Variants in CFAP100 observed in about 807,000 individuals in gnomAD.
CFAP100 encodes cilia and flagella associated protein 100.
A neutral mutation model predicts 81.5 loss-of-function variants in CFAP100; 70 were observed. The observed-to-expected ratio is 0.86, with a 90% confidence interval of 0.71 to 1.05. The LOEUF (loss-of-function observed/expected upper bound fraction) is 1.05, where lower values mean the gene tolerates loss of function less well. CFAP100 is among the 50% of genes least tolerant of loss of function. The pLI, the probability that CFAP100 is intolerant of heterozygous loss-of-function variation, is 0.00. For synonymous variants in CFAP100, 341 were observed against 314.8 expected (o/e 1.08, Z -0.88); for missense variants, 811 against 776.5 (o/e 1.04, Z -0.53).
At chr3:126,396,080 GA>G (rs2082883371) in intron 2 of CFAP100, 31 bp downstream of exon 2, 3 of 1,584,438 alleles carry the variant, frequency 1.9e-6, no homozygotes, top group Non-Finnish European at 2.6e-6. Flanking sequence ...GGCACTCTCA[GA>G]GGTCAGGGGC....
In CFAP100 at chr3:126,396,514, G is replaced by A. The variant is rs150661296; in HGVS notation, c.49+465G>A. On this transcript the variant is annotated intron_variant, in intron 2 of 16. Coordinates refer to ENST00000352312, the MANE Select transcript of CFAP100 (RefSeq NM_182628.3). ...GGGACCCCATCACATTGGATTGGAG[G>A]CCTACCCCGCTCCAGAATGGCCTCA... 4.7e-3 allele frequency: 772 copies of A among 165,642 alleles called. 7 individuals carry two copies. The highest frequency in any genetic ancestry group is 0.018 in the African/African-American group (740 of 41,860). 10.3% of individuals were successfully genotyped at this position (165,642 alleles called of 1,614,324 possible).
intron 13 of CFAP100, among the ~76,000 whole-genome samples, chr3:126,430,232 T>G (rs1405333246): frequency 6.6e-6 from 1 of 151,846 alleles, no homozygotes; most frequent in Non-Finnish European, 1.5e-5. Flanking sequence ...CATTATTTCT[T>G]TAAGTTCTCT....
intron 5 of CFAP100, chr3:126,418,224 G>T: frequency 1.8e-6 from 1 of 552,246 alleles, no homozygotes; most frequent in East Asian, 3.1e-5. Context: ...GACACAGTAA[G>T]GACTTCCCAC....
chr3:126,435,069 C>T (rs1933390483), intron 15 of CFAP100, among the ~76,000 whole-genome samples: 1 of 152,156 alleles, frequency 6.6e-6, no homozygotes, highest in Non-Finnish European at 1.5e-5. Context: ...ATCCATCCGT[C>T]CCCCCAAGCA....
In CFAP100 at chr3:126,420,135, C is replaced by G. The variant is rs2083305317; in HGVS notation, c.988C>G (p.Leu330Val). ...GQGTKKPWRFLQTMRLGRSPS... is the reference protein window; with the variant it reads ...GQGTKKPWRFVQTMRLGRSPS... ...GGGTACAAAGAAGCCCTGGAGGTTT[C>G]TGCAGACGATGCGGCTGGGGCGGAG... The change falls in exon 11 of 17, where the codon CTG (leucine) becomes GTG (valine). Residue 330 changes from leucine to valine, a missense_variant. Coordinates refer to ENST00000352312, the MANE Select transcript of CFAP100 (RefSeq NM_182628.3). 8 of 1,613,356 alleles carry G rather than the reference C, an allele frequency of 5.0e-6. No homozygotes were observed. Among genetic ancestry groups the G allele is most frequent in the Non-Finnish European group, 5.9e-6 (7 of 1,180,020 alleles).
chr3:126,399,197 C>T (rs2082933735), intron 2 of CFAP100, among the ~76,000 whole-genome samples: 1 of 152,226 alleles, frequency 6.6e-6, no homozygotes, highest in South Asian at 2.1e-4. Flanking sequence ...TACCCTCTGG[C>T]CTTTTGACCC....
chr3:126,435,927 G>T (rs951877927), intron 16 of CFAP100, among the ~76,000 whole-genome samples: 2 of 152,130 alleles, frequency 1.3e-5, no homozygotes, highest in Admixed American at 6.5e-5. Flanking sequence ...CAGGAGCAGG[G>T]TCCCACCACC....
At chr3:126,400,804 G>A (rs2107583741) in intron 2 of CFAP100, among the ~76,000 whole-genome samples, 1 of 152,166 alleles carries the variant, frequency 6.6e-6, no homozygotes, top group Non-Finnish European at 1.5e-5. Flanking sequence ...AAGTTAAACA[G>A]TATTAACATA....
At position 126,418,514 on chromosome 3, in the gene CFAP100, T is replaced by G. The variant is rs776267506; in HGVS notation, c.475T>G (p.Phe159Val). ...SGYIKQKRQM[F>V]LLQYALDVKR... ...CTACATTAAGCAGAAGCGGCAAATG[T>G]TCCTCCTCCAGGTAGGTCCCGTGGC... is the stretch of plus-strand genomic sequence containing the variant. Residue 159 changes from phenylalanine to valine, a missense_variant, in exon 6 of 17, where the codon TTC (phenylalanine) becomes GTC (valine). Transcript: ENST00000352312. 7.4e-6 allele frequency: 12 copies of G among 1,613,942 alleles called. No homozygotes were observed. Among genetic ancestry groups the G allele is most frequent in the Admixed American group, 1.7e-5 (1 of 60,002 alleles).
chr3:126,408,479 CTTG>C (rs1169542751), intron 3 of CFAP100, among the ~76,000 whole-genome samples: 3 of 152,302 alleles, frequency 2.0e-5, no homozygotes, highest in African/African-American at 7.2e-5. Flanking sequence ...TGGCCTTTGA[CTTG>C]TTGAGCAGTG....
rs1334224258 is a variant in CFAP100, at chr3:126,395,975, C to A, written c.-26C>A. 1 of 1,602,442 alleles carries A rather than the reference C, an allele frequency of 6.2e-7. No homozygotes were observed. The highest frequency in any genetic ancestry group is 1.1e-5 in the South Asian group (1 of 90,842). On this transcript the variant is annotated 5_prime_UTR_variant, in exon 2 of 17. Transcript: ENST00000352312. ...CTCCTTTAGAAGAGGAGAAGCCTTG[C>A]ATCAACCTCTTGGGCCTCAGCCAAG...
At position 126,433,089 on chromosome 3, in the gene CFAP100, T is replaced by C. The variant is rs1458869206; in HGVS notation, c.1307T>C (p.Leu436Pro). 1 of 1,614,138 alleles carries C rather than the reference T, an allele frequency of 6.2e-7. No individual in the cohort carries two copies. The highest frequency in any genetic ancestry group is 8.5e-7 in the Non-Finnish European group (1 of 1,180,034). The stretch of plus-strand genomic sequence containing the variant: ...TCCAGGGACAGGGAGGTCAACCAGC[T>C]GAAGCAGTGGGTCACCACAATGATG... The part of the protein sequence containing the change: ...QIRMDREVNQ[L>P]KQWVTTMMMS... The change falls in exon 14 of 17, where the codon CTG becomes CCG. Residue 436 changes from leucine (L) to proline (P), a missense_variant. Physicochemically the swap from Leu to Pro is moderately conservative, Grantham distance 98. Transcript: ENST00000352312.
chr3:126,423,781 C>T (rs539098983), intron 13 of CFAP100, 137 bp downstream of exon 13: 57 of 1,099,732 alleles, frequency 5.2e-5, no homozygotes, highest in South Asian at 1.6e-4. Context: ...TGAAAAGCTC[C>T]GAGCGAAGCT....
intron 13 of CFAP100, among the ~76,000 whole-genome samples, chr3:126,432,282 C>CAAAAAA (rs58421889): frequency 2.6e-5 from 2 of 76,726 alleles, no homozygotes; most frequent in Non-Finnish European, 4.5e-5. Context: ...GACTCCGTCT[C>CAAAAAA]AAAAAAAAAA....
Position 126,420,088 on chromosome 3 carries a change from C to G in CFAP100, c.956-15C>G, listed in dbSNP as rs773611862. 2 of 1,613,290 alleles carry G rather than the reference C, an allele frequency of 1.2e-6. No homozygotes were observed. Among genetic ancestry groups the G allele is most frequent in the South Asian group, 2.2e-5 (2 of 91,076 alleles). On this transcript the variant is annotated splice_polypyrimidine_tract_variant and intron_variant, in intron 10 of 16. Coordinates refer to ENST00000352312, the MANE Select transcript of CFAP100 (RefSeq NM_182628.3). ...CCTGCACAGGGCTCGGAAACTATTCCTCTGCTTTCTCCAGAGGGTCAGGGT... is the reference window on the plus strand; with the variant it reads ...CCTGCACAGGGCTCGGAAACTATTCGTCTGCTTTCTCCAGAGGGTCAGGGT...
chr3:126,422,778 G>GGGGAGGCAGGGCA (rs2083353249), intron 11 of CFAP100, among the ~76,000 whole-genome samples: 1 of 152,222 alleles, frequency 6.6e-6, no homozygotes, highest in Admixed American at 6.5e-5. Context: ...ACCCTAGATG[G>GGGGAGGCAGGGCA]GGGAGGCAGG....
At chr3:126,435,761 A>G (rs756449968) in intron 16 of CFAP100, 109 bp downstream of exon 16, 39 of 833,612 alleles carry the variant, frequency 4.7e-5, no homozygotes, top group Admixed American at 8.2e-5. Context: ...AAGGCATTCA[A>G]TGAGGCTCTG....
At position 126,433,014 on chromosome 3, in the gene CFAP100, T is replaced by C. The variant is rs563504807; in HGVS notation, c.1287-55T>C. 4.3e-5 allele frequency: 68 copies of C among 1,599,746 alleles called. No individual in the cohort carries two copies. In the South Asian group the frequency reaches 7.4e-4, roughly 18 times the overall value. ...TGTACAGACAGGCTCAGAGAAGCGA[T>C]GTGCCCAGGGCTGTGCTGAGTGACT... On this transcript the variant is annotated intron_variant, in intron 13 of 16. Transcript: ENST00000352312.
At position 126,419,801 on chromosome 3, in the gene CFAP100, C is replaced by T. The variant is rs1191739909; in HGVS notation, c.896C>T (p.Ser299Phe). Residue 299 changes from serine to phenylalanine, a missense_variant, in exon 9 of 17, where the codon TCC (serine) becomes TTC (phenylalanine). Coordinates refer to ENST00000352312, the MANE Select transcript of CFAP100 (RefSeq NM_182628.3). ...GCTTCCAAAGAGAGCAGTGTTAACT[C>T]CACACCAGGGGACAAAGGTAGCAGA... ...SEASKESSVN[S>F]TPGDKGPGIK... 1 of 1,613,744 alleles carries T rather than the reference C, an allele frequency of 6.2e-7. No individual in the cohort carries two copies. The highest frequency in any genetic ancestry group is 8.5e-7 in the Non-Finnish European group (1 of 1,180,026).
Sources: allele counts gnomAD v4.1 joint callset (sites outside exome capture counted in the v4.1 genomes callset), GRCh38; gene constraint gnomAD v4.1.1; transcripts MANE v1.5; gene names NCBI Gene and HGNC (gene_info 2026-07-23, HGNC 2026-07-21).